The following ZNF385B variants were observed in gnomAD, a reference collection of about 807,000 sequenced individuals.
ZNF385B encodes the protein zinc finger protein 533.
ZNF385B carries 23 observed loss-of-function variants against 39.2 expected under a neutral mutation model. That is an observed-to-expected ratio of 0.59 (90% CI 0.42 to 0.83). The LOEUF is 0.83. Among genes scored for constraint, ZNF385B ranks in the 40% least tolerant of loss-of-function variants. ZNF385B has a pLI of 0.00. For synonymous variants in ZNF385B, 205 were observed against 222.6 expected, an observed-to-expected ratio of 0.92 and a Z score of 0.70; for missense variants, 552 against 598.9, an observed-to-expected ratio of 0.92 and a Z score of 0.82.
At chr2:179,768,799 G>A (rs574463875) in intron 3 of ZNF385B, among the ~76,000 whole-genome samples, 21 of 152,198 alleles carry the variant, frequency 1.4e-4, no homozygotes, top group Non-Finnish European at 2.5e-4. Flanking sequence ...GGCTGCCCAA[G>A]GATAAGATAA....
intron 3 of ZNF385B, among the ~76,000 whole-genome samples, chr2:179,691,516 G>A (rs904228468): frequency 2.0e-5 from 3 of 152,116 alleles, no homozygotes; most frequent in African/African-American, 4.8e-5. Context: ...GAGAAACTCC[G>A]AGGAACAAAA....
At chr2:179,628,305 A>G (rs1172256854) in intron 3 of ZNF385B, among the ~76,000 whole-genome samples, 3 of 152,198 alleles carry the variant, frequency 2.0e-5, no homozygotes, top group African/African-American at 7.2e-5. Context: ...AAATGTCTTT[A>G]AGTATTAATT....
chr2:179,739,121 T>C (rs1701938063), intron 3 of ZNF385B, among the ~76,000 whole-genome samples: 1 of 152,232 alleles, frequency 6.6e-6, no homozygotes, highest in African/African-American at 2.4e-5. Flanking sequence ...TCAGTTTCCC[T>C]AATGCTTACC....
intron 6 of ZNF385B, among the ~76,000 whole-genome samples, chr2:179,454,981 T>C (rs547690352): frequency 1.3e-5 from 2 of 152,318 alleles, no homozygotes; most frequent in South Asian, 4.1e-4. Flanking sequence ...ATATAGTGCT[T>C]ATAAAGTCTA....
Position 179,536,296 on chromosome 2 carries a change from C to T in ZNF385B, c.441+8531G>A, listed in dbSNP as rs1020457713. 6 of 152,178 alleles carry T rather than the reference C, an allele frequency of 3.9e-5. No individual in the cohort carries two copies. In the Middle Eastern group the frequency reaches 0.014, roughly 345 times the overall value. 9.4% of individuals were successfully genotyped at this position (152,178 alleles called of 1,614,324 possible). A position where few individuals can be genotyped will look rare whatever the true frequency, so the allele number is the denominator to read the frequency against. ...TTTTAAGAAGAGGGCCCAACATAGA[C>T]ACTTTTTCCAAGTTGACTCTACTCT... On this transcript the variant is annotated intron_variant, in intron 4 of 9. Transcript: ENST00000410066.
chr2:179,737,103 A>C (rs113227694), intron 3 of ZNF385B, among the ~76,000 whole-genome samples: 97 of 152,338 alleles, frequency 6.4e-4, no homozygotes, highest in African/African-American at 2.2e-3. Flanking sequence ...TTGTCATTCA[A>C]ATGCAAACAT....
Position 179,496,992 on chromosome 2 carries a change from T to A in ZNF385B, c.553-13558A>T, listed in dbSNP as rs568319436. Among the ~76,000 whole-genome samples the A allele has an allele frequency of 1.6e-4, 24 of 152,298 alleles. No individual in the cohort carries two copies. In the South Asian group the frequency reaches 4.6e-3, roughly 29 times the overall value. ...TGAACCTGAGAGGCAGAGGTTGCAGTGAGCTGAGATCACACCACTGCATTC... is the reference window on the plus strand; with the variant it reads ...TGAACCTGAGAGGCAGAGGTTGCAGAGAGCTGAGATCACACCACTGCATTC... On this transcript the variant is annotated intron_variant, in intron 5 of 9. Coordinates refer to ENST00000410066, the MANE Select transcript of ZNF385B (RefSeq NM_152520.6).
At chr2:179,823,045 T>C (rs184532127) in intron 1 of ZNF385B, among the ~76,000 whole-genome samples, 1 of 152,260 alleles carries the variant, frequency 6.6e-6, no homozygotes, top group Admixed American at 6.5e-5. Flanking sequence ...ACAGTAAGTG[T>C]TCAAGAGCTC....
At chr2:179,611,850 T>C (rs889076609) in intron 3 of ZNF385B, among the ~76,000 whole-genome samples, 1 of 152,038 alleles carries the variant, frequency 6.6e-6, no homozygotes, top group African/African-American at 2.4e-5. Context: ...ATCCCTTGAG[T>C]TTTTGTGGTA....
At chr2:179,486,317 G>C (rs1042769438) in intron 5 of ZNF385B, among the ~76,000 whole-genome samples, 1 of 152,184 alleles carries the variant, frequency 6.6e-6, no homozygotes, top group Non-Finnish European at 1.5e-5. Context: ...ACTGGGAATA[G>C]AGAAGTTAAA....
chr2:179,646,560 C>A (rs756250746), intron 3 of ZNF385B, among the ~76,000 whole-genome samples: 9 of 152,210 alleles, frequency 5.9e-5, no homozygotes, highest in Non-Finnish European at 1.2e-4. Context: ...CTCCTGCTGA[C>A]AGCCTGAGCC....
At chr2:179,528,857 C>A (rs1028900719) in intron 4 of ZNF385B, among the ~76,000 whole-genome samples, 1 of 152,194 alleles carries the variant, frequency 6.6e-6, no homozygotes, top group African/African-American at 2.4e-5. Context: ...GCTAGCTCTA[C>A]ATGCCTGGTG....
intron 3 of ZNF385B, among the ~76,000 whole-genome samples, chr2:179,676,539 A>C (rs1696848462): frequency 6.6e-6 from 1 of 152,154 alleles, no homozygotes; most frequent in African/African-American, 2.4e-5. Flanking sequence ...GAGTAACATG[A>C]TGAGATTTGA....
chr2:179,505,897 A>G (rs950780398), intron 5 of ZNF385B, among the ~76,000 whole-genome samples: 68 of 152,134 alleles, frequency 4.5e-4, no homozygotes, highest in African/African-American at 1.4e-3. Flanking sequence ...CGAATAATAA[A>G]ATAGTTTTCT....
chr2:179,523,035 CACTA>C (rs2058622330), intron 4 of ZNF385B: 1 of 261,424 alleles, frequency 3.8e-6, no homozygotes, highest in South Asian at 4.2e-5. Flanking sequence ...AAGCCTGAAA[CACTA>C]ACTAAAAGGC....
intron 3 of ZNF385B, among the ~76,000 whole-genome samples, chr2:179,623,616 G>A (rs1050361126): frequency 2.0e-5 from 3 of 152,152 alleles, no homozygotes; most frequent in African/African-American, 7.2e-5. Flanking sequence ...GTAGTCCAGT[G>A]GTGGGGTGCA....
intron 3 of ZNF385B, among the ~76,000 whole-genome samples, chr2:179,634,534 A>G (rs1440052471): frequency 2.0e-5 from 3 of 152,238 alleles, no homozygotes. Context: ...AATAGTAATC[A>G]TTAAAAAGTC....
In ZNF385B at chr2:179,576,117, T is replaced by A. The variant is rs115028690; in HGVS notation, c.299-31148A>T. ...AGGCACACAGTTACCAGGTCTTACA[T>A]GTGTAACCCTCCAAAACGTCTCAAA... On this transcript the variant is annotated intron_variant, in intron 3 of 9. Transcript: ENST00000410066. The A allele has an allele frequency of 0.02, 20,126 of 985,084 alleles. 228 individuals carry two copies. The highest frequency in any genetic ancestry group is 0.023 in the Non-Finnish European group (18,922 of 829,648). 61.0% of individuals were successfully genotyped at this position (985,084 alleles called of 1,614,324 possible). A position where few individuals can be genotyped will look rare whatever the true frequency, so the allele number is the denominator to read the frequency against.
chr2:179,579,945 G>T (rs922343761), intron 3 of ZNF385B, among the ~76,000 whole-genome samples: 6 of 152,114 alleles, frequency 3.9e-5, no homozygotes, highest in African/African-American at 1.2e-4. Context: ...ACAGAACTTG[G>T]ATTGAAACCA....
Sources: gnomAD v4.1 joint callset for allele counts (sites outside exome capture counted in the v4.1 genomes callset) on GRCh38, gnomAD v4.1.1 for gene constraint, MANE v1.5 for transcripts, NCBI Gene and HGNC (gene_info 2026-07-23, HGNC 2026-07-21) for gene names.